GJA5: variants seen among roughly 807,000 people sequenced by gnomAD.
GJA5 encodes the protein gap junction alpha-5 protein.
In GJA5, 3 loss-of-function variants were observed where a neutral mutation model predicts 7.9. That is an observed-to-expected ratio of 0.38 (90% confidence interval 0.17 to 0.99). The LOEUF is 0.99. Among genes scored for constraint, GJA5 ranks in the 50% least tolerant of loss-of-function variants. The probability of loss-of-function intolerance (pLI) is 0.38; values close to 1 mark genes in which losing one functional copy is unlikely to be tolerated. For missense variants in GJA5, 390 were observed against 457.9 expected, an observed-to-expected ratio of 0.85 and a Z score of 1.35; for synonymous variants, 193 against 181.0, an observed-to-expected ratio of 1.07 and a Z score of -0.53.
chr1:147,756,204 G>A lies in GJA5; in HGVS notation c.*1958C>T, dbSNP rs1553226387. On this transcript the variant is annotated 3_prime_UTR_variant, in exon 2 of 2. Transcript: ENST00000579774. ...AGTGGACAACAAAAGAGAGATAGATGTAGAGATAGATTTTATTAAGACAAA... is the reference window on the plus strand; with the variant it reads ...AGTGGACAACAAAAGAGAGATAGATATAGAGATAGATTTTATTAAGACAAA... The A allele has an allele frequency of 2.0e-5, 3 of 152,216 alleles. No homozygotes were observed. The allele number at this position is 152,216 out of a possible 1,614,324, so 9.4% of individuals were successfully genotyped here. A position where few individuals can be genotyped will look rare whatever the true frequency, so the allele number is the denominator to read the frequency against.
intron 1 of GJA5, among the ~76,000 whole-genome samples, chr1:147,767,506 G>A (rs909034831): frequency 5.5e-5 from 8 of 144,496 alleles, no homozygotes; most frequent in Non-Finnish European, 1.2e-4. Context: ...TCCCACCTCA[G>A]CCTCCCAAGT....
intron 1 of GJA5, among the ~76,000 whole-genome samples, chr1:147,770,454 C>T (rs1664354921): frequency 6.6e-6 from 1 of 152,092 alleles, no homozygotes; most frequent in Non-Finnish European, 1.5e-5. Context: ...AATCTGTGGT[C>T]ATAAAAAACC....
At chr1:147,765,190 T>C (rs1664156517), upstream of GJA5, among the ~76,000 whole-genome samples, 1 of 152,264 alleles carries the variant, frequency 6.6e-6, no homozygotes. Flanking sequence ...ATATTTGTTC[T>C]GTTCAAGACC....
At position 147,757,863 on chromosome 1, in the gene GJA5, C is replaced by T. The variant is rs587700428; in HGVS notation, c.*299G>A. ...TATCCCTCTGGCTATCCCTTCCAGG[C>T]CAGCTTTTGCCATGCTTCCCTTCTT... On this transcript the variant is annotated 3_prime_UTR_variant, in exon 2 of 2. Coordinates refer to ENST00000579774, the MANE Select transcript of GJA5 (RefSeq NM_181703.4). 6 of 439,350 alleles carry T rather than the reference C, an allele frequency of 1.4e-5. No individual in the cohort carries two copies. Among genetic ancestry groups the T allele is most frequent in the African/African-American group, 1.2e-4 (6 of 50,372 alleles). 27.2% of individuals were successfully genotyped at this position (439,350 alleles called of 1,614,324 possible). A position where few individuals can be genotyped will look rare whatever the true frequency, so the allele number is the denominator to read the frequency against.
chr1:147,758,839 A>G lies in GJA5; in HGVS notation c.400T>C (p.Ser134Pro). 1 of 1,614,190 alleles carries G rather than the reference A, an allele frequency of 6.2e-7. No individual in the cohort carries two copies. The highest frequency in any genetic ancestry group is 8.5e-7 in the Non-Finnish European group (1 of 1,180,026). Residue 134 changes from serine to proline, a missense_variant, in exon 2 of 2, where the codon TCC (serine) becomes CCC (proline). Ser to Pro is a moderately conservative substitution (Grantham distance 74). Transcript: ENST00000579774. Reference protein sequence around the residue: ...EYPVAEKAELSCWEEGNGRIA... With the variant: ...EYPVAEKAELPCWEEGNGRIA... Reference sequence around the variant, plus strand: ...CTTCCATTCCCTTCCTCCCAGCAGGACAGTTCTGCCTTCTCTGCCACCGGG... The same window carrying G: ...CTTCCATTCCCTTCCTCCCAGCAGGGCAGTTCTGCCTTCTCTGCCACCGGG...
In GJA5 at chr1:147,759,250, C is replaced by T. The variant is rs1557944175; in HGVS notation, c.-12G>A. 3 of 1,581,120 alleles carry T rather than the reference C, an allele frequency of 1.9e-6. No individual in the cohort carries two copies. In the Admixed American group the frequency reaches 5.0e-5, roughly 26 times the overall value. On this transcript the variant is annotated 5_prime_UTR_variant, in exon 2 of 2. Transcript: ENST00000579774. ...CTCCAATCGCCCATCTTGGCACAGCCAGGGAACAGATGCCAAAACTTCTGC... is the reference window on the plus strand; with the variant it reads ...CTCCAATCGCCCATCTTGGCACAGCTAGGGAACAGATGCCAAAACTTCTGC...
chr1:147,762,208 G>C (rs962385039), upstream of GJA5, among the ~76,000 whole-genome samples: 1 of 151,694 alleles, frequency 6.6e-6, no homozygotes, highest in Non-Finnish European at 1.5e-5. Context: ...TTACAAAGGA[G>C]AAAAGAAATG....
rs1045225638 is a variant in GJA5, at chr1:147,758,882, G to A, written c.357C>T (p.Gly119=). ...REAERAKEVR[G]SGSYEYPVAE... ...CCACCGGGTACTCGTAAGAGCCAGA[G>A]CCCCGGACCTCTTTGGCCCTCTCGG... The change falls in exon 2 of 2, where the codon GGC becomes GGT. Residue 119 remains glycine, a synonymous_variant. Coordinates refer to ENST00000579774, the MANE Select transcript of GJA5 (RefSeq NM_181703.4). The A allele has an allele frequency of 1.9e-6, 3 of 1,614,226 alleles. No homozygotes were observed. Among genetic ancestry groups the A allele is most frequent in the Middle Eastern group, 3.3e-4 (2 of 6,062 alleles).
chr1:147,772,547 A>G (rs2148966548), intron 1 of GJA5, among the ~76,000 whole-genome samples: 1 of 152,352 alleles, frequency 6.6e-6, no homozygotes, highest in Non-Finnish European at 1.5e-5. Context: ...CTCAGAAGAA[A>G]GGTCCAGGAA....
chr1:147,767,292 T>G (rs896706306), intron 1 of GJA5, among the ~76,000 whole-genome samples: 2 of 152,144 alleles, frequency 1.3e-5, no homozygotes, highest in Non-Finnish European at 2.9e-5. Context: ...AAAATAACAC[T>G]CACTGACACC....
rs782586222 is a variant in GJA5 at position 147,757,011 on chromosome 1, G to C, written c.*1151C>G. On this transcript the variant is annotated 3_prime_UTR_variant, in exon 2 of 2. Coordinates refer to ENST00000579774, the MANE Select transcript of GJA5 (RefSeq NM_181703.4). ...AGCCTCCAGGAGAGAGAGATCTGGG[G>C]GCCTCCATAGCTGTCATCACACCTC... 6.6e-6 allele frequency: 1 copy of C among 152,216 alleles called. No homozygotes were observed. The highest frequency in any genetic ancestry group is 1.5e-5 in the Non-Finnish European group (1 of 68,040). 9.4% of individuals were successfully genotyped at this position (152,216 alleles called of 1,614,324 possible).
chr1:147,764,067 TC>T (rs1483843258), upstream of GJA5, among the ~76,000 whole-genome samples: 4 of 152,138 alleles, frequency 2.6e-5, no homozygotes, highest in Non-Finnish European at 4.4e-5. Context: ...CGCCTTGGCC[TC>T]CCAAAGTGCT....
Position 147,759,215 on chromosome 1 carries a change from TC to T in GJA5, c.23del (p.Gly8GlufsTer14). The T allele has an allele frequency of 6.2e-7, 1 of 1,613,940 alleles. No individual in the cohort carries two copies. Among genetic ancestry groups the T allele is most frequent in the Non-Finnish European group, 8.5e-7 (1 of 1,179,914 alleles). On this transcript the variant is annotated frameshift_variant, in exon 2 of 2. Transcript: ENST00000579774. LOFTEE classifies it high-confidence loss of function. ...GCTTGTGTACTTCCTCCAGGAAATT[TC>T]CCAGGAAGCTCCAATCGCCCATCTT... MGDWSFL[G>X]NFLEEVHKHS...
chr1:147,766,024 G>A (rs1553228131), intron 1 of GJA5, among the ~76,000 whole-genome samples: 3 of 152,084 alleles, frequency 2.0e-5, no homozygotes, highest in Non-Finnish European at 4.4e-5. Flanking sequence ...CTGTCCTGTG[G>A]AGTCACACAT....
chr1:147,765,585 A>G (rs1258299101), upstream of GJA5, among the ~76,000 whole-genome samples: 16 of 152,250 alleles, frequency 1.1e-4, no homozygotes, highest in Admixed American at 1.0e-3. Context: ...GACTGCATGA[A>G]CAAATTCATT....
Position 147,758,986 on chromosome 1 carries a change from C to G in GJA5, c.253G>C (p.Val85Leu). The stretch of plus-strand genomic sequence containing the variant: ...ATGTACACCAGAGAGGGCGTGGAGA[C>G]GAAGATGATCTGCAGCACCCAGTAG... ...IRYWVLQIIF[V>L]STPSLVYMGH... is the part of the protein sequence containing the mutation. The change falls in exon 2 of 2, where the codon GTC (valine) becomes CTC (leucine). Residue 85 changes from valine (V) to leucine (L), a missense_variant. Physicochemically the swap from Val to Leu is conservative, Grantham distance 32. Around this residue, in one of 2 missense-constraint regions of GJA5, gnomAD observed 354 missense variants for 370.9 expected, o/e 0.95. Transcript: ENST00000579774. 6.2e-7 allele frequency: 1 copy of G among 1,614,164 alleles called. No homozygotes were observed. Among genetic ancestry groups the G allele is most frequent in the Non-Finnish European group, 8.5e-7 (1 of 1,180,018 alleles).
At chr1:147,766,178 T>C (rs1444937407) in intron 1 of GJA5, among the ~76,000 whole-genome samples, 1 of 152,100 alleles carries the variant, frequency 6.6e-6, no homozygotes, top group Non-Finnish European at 1.5e-5. Flanking sequence ...TCTCTCCCAC[T>C]CAACCCTGAG....
At chr1:147,772,494 A>G (rs1664445903) in intron 1 of GJA5, among the ~76,000 whole-genome samples, 1 of 152,190 alleles carries the variant, frequency 6.6e-6, no homozygotes, top group Non-Finnish European at 1.5e-5. Context: ...TGTGTCTGCT[A>G]CAAGGCCTCC....
intron 1 of GJA5, among the ~76,000 whole-genome samples, chr1:147,772,981 A>G (rs782023665): frequency 1.6e-4 from 25 of 152,136 alleles, no homozygotes; most frequent in Non-Finnish European, 3.4e-4. Flanking sequence ...TGAACTCCAC[A>G]AAAGTAGGCT....
Sources: allele counts gnomAD v4.1 joint callset (sites outside exome capture counted in the v4.1 genomes callset), GRCh38; gene constraint gnomAD v4.1.1; regional missense constraint gnomAD v4.1.1; transcripts MANE v1.5; gene names NCBI Gene and HGNC (gene_info 2026-07-23, HGNC 2026-07-21).